The following SLC44A5 variants were observed in gnomAD, a reference collection of about 807,000 sequenced individuals.
SLC44A5 encodes the protein solute carrier family 44 member 5, also known as choline transporter-like protein 5.
Under a neutral mutation model 101.8 loss-of-function variants are expected in SLC44A5, and 57 were observed. That is an observed-to-expected ratio of 0.56 (90% CI 0.45 to 0.70). SLC44A5 has a LOEUF of 0.70. Among genes scored for constraint, SLC44A5 ranks in the 30% least tolerant of loss-of-function variants. The pLI is 0.00. For synonymous variants in SLC44A5, 281 were observed against 290.9 expected, an observed-to-expected ratio of 0.97 and a Z score of 0.35; for missense variants, 737 against 853.1, an observed-to-expected ratio of 0.86 and a Z score of 1.70.
intron 4 of SLC44A5, among the ~76,000 whole-genome samples, chr1:75,312,507 G>A (rs967844225): frequency 2.0e-5 from 3 of 149,384 alleles, no homozygotes; most frequent in African/African-American, 7.7e-5. Flanking sequence ...TATCTGGGGC[G>A]GGGATGGGGG....
chr1:75,482,638 A>G (rs1369768301), intron 2 of SLC44A5, among the ~76,000 whole-genome samples: 1 of 152,168 alleles, frequency 6.6e-6, no homozygotes, highest in Non-Finnish European at 1.5e-5. Flanking sequence ...CCGAAATATC[A>G]GGAACATGAG....
chr1:75,679,309 G>C, the SLC44A5 span, among the ~76,000 whole-genome samples: 1 of 152,252 alleles, frequency 6.6e-6, no homozygotes, highest in African/African-American at 2.4e-5. Flanking sequence ...ACATGCAATT[G>C]TCAGATTCAC....
At chr1:75,697,636 T>A in the SLC44A5 span, among the ~76,000 whole-genome samples, 1 of 151,808 alleles carries the variant, frequency 6.6e-6, no homozygotes, top group East Asian at 1.9e-4. Context: ...AATACAAAAA[T>A]TAGGGGGAGA....
chr1:75,407,699 C>T (rs111878153), intron 2 of SLC44A5, among the ~76,000 whole-genome samples: 14,216 of 152,146 alleles, frequency 0.093, 870 homozygotes, highest in Admixed American at 0.19. Flanking sequence ...ATACCTTATA[C>T]GAAAATTAAC....
chr1:75,347,630 A>G (rs1658342152), intron 3 of SLC44A5, among the ~76,000 whole-genome samples: 1 of 151,794 alleles, frequency 6.6e-6, no homozygotes, highest in African/African-American at 2.4e-5. Context: ...GAGAGAGAGA[A>G]AGAGACAGAG....
chr1:75,509,339 T>C (rs1669440926), intron 2 of SLC44A5, among the ~76,000 whole-genome samples: 1 of 152,228 alleles, frequency 6.6e-6, no homozygotes, highest in African/African-American at 2.4e-5. Flanking sequence ...CTGTTTGATA[T>C]CAAAAACATA....
intron 1 of SLC44A5, among the ~76,000 whole-genome samples, chr1:75,607,289 T>C (rs1263682429): frequency 6.6e-6 from 1 of 152,020 alleles, no homozygotes; most frequent in Non-Finnish European, 1.5e-5. Flanking sequence ...ACATGAAACA[T>C]CCTGTTAGTT....
intron 1 of SLC44A5, among the ~76,000 whole-genome samples, chr1:75,566,282 A>C (rs1439362327): frequency 6.6e-6 from 1 of 152,228 alleles, no homozygotes; most frequent in Non-Finnish European, 1.5e-5. Context: ...AACAACTAAA[A>C]TTCTATGAGA....
chr1:75,420,438 G>T (rs1308438445), intron 2 of SLC44A5, among the ~76,000 whole-genome samples: 1 of 152,100 alleles, frequency 6.6e-6, no homozygotes, highest in African/African-American at 2.4e-5. Context: ...TGAATGAACA[G>T]CAAGATGCTG....
chr1:75,209,341 A>C (rs997487288), intron 23 of SLC44A5, among the ~76,000 whole-genome samples: 2 of 152,210 alleles, frequency 1.3e-5, no homozygotes, highest in Admixed American at 6.5e-5. Context: ...AGAATGGGGA[A>C]GGTCACATAG....
At chr1:75,223,093 G>A (rs937602232) in intron 13 of SLC44A5, among the ~76,000 whole-genome samples, 19 of 152,158 alleles carry the variant, frequency 1.2e-4, no homozygotes, top group Non-Finnish European at 1.3e-4. Context: ...TACAAACTGC[G>A]TCAAAACCAT....
intron 1 of SLC44A5, among the ~76,000 whole-genome samples, chr1:75,601,721 A>G (rs566442268): frequency 6.6e-6 from 1 of 152,264 alleles, no homozygotes; most frequent in South Asian, 2.1e-4. Flanking sequence ...TATCTAAAGC[A>G]ATGAAAATCT....
At chr1:75,410,812 A>G (rs559544456) in intron 2 of SLC44A5, among the ~76,000 whole-genome samples, 23 of 152,266 alleles carry the variant, frequency 1.5e-4, no homozygotes, top group African/African-American at 5.3e-4. Context: ...AAATGAAAAT[A>G]GATTTGTATT....
At chr1:75,720,419 G>T in the SLC44A5 span, 1 of 152,330 alleles carries the variant, frequency 6.6e-6, no homozygotes, top group African/African-American at 2.4e-5. Context: ...AAAATGTAGA[G>T]AAGTTTTGTG....
chr1:75,424,957 T>A (rs1219547074), intron 2 of SLC44A5, among the ~76,000 whole-genome samples: 1 of 152,216 alleles, frequency 6.6e-6, no homozygotes. Flanking sequence ...ACTAAATACA[T>A]TTCCCAACAA....
the SLC44A5 span, among the ~76,000 whole-genome samples, chr1:75,682,729 G>A: frequency 6.7e-6 from 1 of 149,882 alleles, no homozygotes; most frequent in Non-Finnish European, 1.5e-5. Flanking sequence ...CAAAAGCAAT[G>A]GCAACAAAAG....
intron 2 of SLC44A5, among the ~76,000 whole-genome samples, chr1:75,486,222 G>A (rs1668141839): frequency 6.6e-6 from 1 of 152,124 alleles, no homozygotes; most frequent in South Asian, 2.1e-4. Context: ...AAGAGAATCT[G>A]AGAATATTTG....
chr1:75,660,635 T>C, the SLC44A5 span, among the ~76,000 whole-genome samples: 1 of 152,130 alleles, frequency 6.6e-6, no homozygotes, highest in African/African-American at 2.4e-5. Context: ...AGTTGCAGGA[T>C]ATAAAAACAA....
intron 4 of SLC44A5, among the ~76,000 whole-genome samples, chr1:75,312,924 TA>T (rs1431778308): frequency 3.3e-5 from 5 of 152,162 alleles, no homozygotes; most frequent in Non-Finnish European, 5.9e-5. Context: ...GAGCTGTTAT[TA>T]ATACATCACT....
Sources: allele counts gnomAD v4.1 joint callset (sites outside exome capture counted in the v4.1 genomes callset), GRCh38; gene constraint gnomAD v4.1.1; transcripts MANE v1.5; gene names NCBI Gene and HGNC (gene_info 2026-07-23, HGNC 2026-07-21).